Variants in MYH11 observed in about 807,000 individuals in gnomAD.
The protein encoded by MYH11 is myosin heavy chain 11.
A neutral mutation model predicts 246.6 loss-of-function variants in MYH11; 80 were observed. The ratio of observed to expected loss-of-function variants is 0.32; its 90% CI spans 0.27 to 0.39. The LOEUF is 0.39. Among genes scored for constraint, MYH11 ranks in the 10% least tolerant of loss-of-function variants. The pLI is 1.00. For missense variants in MYH11, 2,158 were observed against 2,546.8 expected (o/e 0.85, Z 3.29); for synonymous variants, 1,071 against 1,015.5 (o/e 1.05, Z -1.04).
chr16:15,758,470 G>C (rs746178321), intron 12 of MYH11, among the ~76,000 whole-genome samples: 4 of 151,932 alleles, frequency 2.6e-5, no homozygotes, highest in South Asian at 2.1e-4. Flanking sequence ...AGGAGTTTGC[G>C]ACCAGCCTGG....
intron 1 of MYH11, among the ~76,000 whole-genome samples, chr16:15,843,527 A>G (rs945059277): frequency 1.5e-5 from 2 of 132,240 alleles, no homozygotes; most frequent in African/African-American, 5.9e-5. Flanking sequence ...TGTCTCTACT[A>G]AAAAAAAAAA....
At chr16:15,705,445 A>G (rs748799237) in intron 40 of MYH11, among the ~76,000 whole-genome samples, 7 of 152,196 alleles carry the variant, frequency 4.6e-5, no homozygotes, top group Admixed American at 2.6e-4. Flanking sequence ...AGTGGGCAGA[A>G]GAAGGAAAAA....
intron 9 of MYH11, among the ~76,000 whole-genome samples, chr16:15,770,410 A>C (rs1045041986): frequency 1.3e-5 from 2 of 152,120 alleles, no homozygotes; most frequent in African/African-American, 4.8e-5. Context: ...AACCTTCAAC[A>C]CTGAGGCACA....
chr16:15,764,002 T>C, intron 9 of MYH11, 111 bp from the exon 10 acceptor site: 1 of 817,586 alleles, frequency 1.2e-6, no homozygotes, highest in East Asian at 2.5e-5. Flanking sequence ...ATCTTTCCTC[T>C]GAAGAAACTA....
intron 20 of MYH11, among the ~76,000 whole-genome samples, chr16:15,744,793 G>GC (rs2041371851): frequency 6.6e-6 from 1 of 152,222 alleles, no homozygotes; most frequent in African/African-American, 2.4e-5. Context: ...GTGAGCCGCC[G>GC]CCCCCGGCAG....
rs373145965 is a variant in MYH11, at chr16:15,854,112, ATAT to A, written c.-18+2826_-18+2828del. The stretch of plus-strand genomic sequence containing the variant: ...TCCAGGTAAGGAATGGTAGCTTAAT[ATAT>A]TAAAGATTCTAATCACCACTTTCAG... On this transcript the variant is annotated intron_variant, in intron 1 of 40. Transcript: ENST00000300036. 3.5e-3 allele frequency among the ~76,000 whole-genome samples: 539 copies of A among 152,336 alleles called. 5 individuals carry two copies. Among genetic ancestry groups the A allele is most frequent in the African/African-American group, 0.013 (523 of 41,576 alleles).
At chr16:15,736,403 T>C (rs1437099895) in intron 25 of MYH11, among the ~76,000 whole-genome samples, 1 of 152,134 alleles carries the variant, frequency 6.6e-6, no homozygotes, top group Admixed American at 6.6e-5. Context: ...CTCAGCCTCC[T>C]GAGTAGCTGG....
At chr16:15,795,072 C>A (rs2042712751) in intron 4 of MYH11, among the ~76,000 whole-genome samples, 1 of 148,816 alleles carries the variant, frequency 6.7e-6, no homozygotes, top group African/African-American at 2.5e-5. Context: ...GGGAGGCTGA[C>A]TGAGGTGGGT....
At chr16:15,735,785 G>T (rs536570339) in intron 25 of MYH11, among the ~76,000 whole-genome samples, 43 of 152,334 alleles carry the variant, frequency 2.8e-4, no homozygotes, top group African/African-American at 1.0e-3. Context: ...ATCAAAACAG[G>T]TTGTACATGT....
At position 15,750,460 on chromosome 16, in the gene MYH11, C is replaced by T. The variant is rs185512934; in HGVS notation, c.1865-129G>A. The T allele has an allele frequency of 2.1e-5, 19 of 908,334 alleles. No individual in the cohort carries two copies. Among genetic ancestry groups the T allele is most frequent in the Admixed American group, 4.3e-5 (2 of 46,670 alleles). The allele number at this position is 908,334 out of a possible 1,614,324, so 56.3% of individuals were successfully genotyped here. A position where few individuals can be genotyped will look rare whatever the true frequency, so the allele number is the denominator to read the frequency against. On this transcript the variant is annotated intron_variant, in intron 15 of 40. Coordinates refer to ENST00000300036, the MANE Select transcript of MYH11 (RefSeq NM_002474.3). This position sits in a 1 kb window ranked among gnomAD's most constrained non-coding sequence, Gnocchi z 4.3. ...TTCCTTCCATCACCAACGCCTCCTT[C>T]GGCAGTCAGGGTTTCCAAGTATTGT...
chr16:15,714,841 G>GA (rs1445075116), intron 40 of MYH11, 68 bp downstream of exon 40: 3 of 1,593,084 alleles, frequency 1.9e-6, no homozygotes, highest in Non-Finnish European at 2.6e-6. Flanking sequence ...AGGCCGAAAG[G>GA]AGCCCGAGCC....
At chr16:15,712,882 G>GTTTTTTTTTTTTTTTTTTGTTTTTT (rs59799809) in intron 40 of MYH11, 1 of 90,636 alleles carries the variant, frequency 1.1e-5, no homozygotes, top group African/African-American at 4.5e-5. Context: ...TTCACATACA[G>GTTTTTTTTTTTTTTTTTTGTTTTTT]TTTTTTTTTT....
rs558244439 is a variant in MYH11 at position 15,815,839 on chromosome 16, T to TCA, written c.502+7414_502+7415dup. On this transcript the variant is annotated intron_variant, in intron 3 of 40. Coordinates refer to ENST00000300036, the MANE Select transcript of MYH11 (RefSeq NM_002474.3). ...TTCCCAGCCAGGAAGGTGAATATAA[T>TCA]CACACACACACACACTCACAAACAT... is the stretch of plus-strand genomic sequence containing the variant. Among the ~76,000 whole-genome samples the TCA allele has an allele frequency of 1.4e-4, 21 of 151,638 alleles. No individual in the cohort carries two copies. The East Asian group carries it at 1.9e-3, about 14-fold the overall frequency.
At position 15,735,372 on chromosome 16, in the gene MYH11, T is replaced by G. The variant is rs748563819; in HGVS notation, c.3500A>C (p.Glu1167Ala). 2 of 1,613,722 alleles carry G rather than the reference T, an allele frequency of 1.2e-6. No homozygotes were observed. The highest frequency in any genetic ancestry group is 1.1e-5 in the South Asian group (1 of 91,044). Reference sequence around the variant, plus strand: ...GGATTGATGGGCCCCTCACCTGAGCTCCTGCTGAGTGGCTGTGCTGTCCAG... The same window carrying G: ...GGATTGATGGGCCCCTCACCTGAGCGCCTGCTGAGTGGCTGTGCTGTCCAG... ...DTLDSTATQQ[E>A]LRAKREQEVT... The change falls in exon 26 of 41, where the codon GAG (glutamate) becomes GCG (alanine). Residue 1167 changes from glutamate (E) to alanine (A), a missense_variant. Glu to Ala is a moderately radical substitution (Grantham distance 107, BLOSUM62 -1). Transcript: ENST00000300036.
intron 39 of MYH11, 37 bp downstream of exon 39, chr16:15,715,127 G>A (rs1474448673): frequency 1.9e-6 from 3 of 1,612,388 alleles, no homozygotes; most frequent in Non-Finnish European, 1.7e-6. Flanking sequence ...CCGGCTGGGG[G>A]CTGGGGGCTC....
intron 2 of MYH11, among the ~76,000 whole-genome samples, chr16:15,829,494 A>G (rs2043669849): frequency 6.6e-6 from 1 of 152,214 alleles, no homozygotes; most frequent in African/African-American, 2.4e-5. Flanking sequence ...TTCCTCCCAC[A>G]TTATTCAGCC....
At chr16:15,766,349 GTGTGTGTGTGTGTGTGTGT>G (rs2041981134) in intron 9 of MYH11, among the ~76,000 whole-genome samples, 1 of 71,044 alleles carries the variant, frequency 1.4e-5, no homozygotes, top group Non-Finnish European at 3.2e-5. Flanking sequence ...TTTTTGGTGT[GTGTGTGTGTGTGTGTGTGT>G]GTGTGTGTGT....
intron 40 of MYH11, among the ~76,000 whole-genome samples, chr16:15,708,460 G>A (rs530508593): frequency 2.0e-5 from 3 of 152,326 alleles, no homozygotes; most frequent in Non-Finnish European, 2.9e-5. Context: ...CCCTAACCAC[G>A]TAAGAGTGGC....
intron 40 of MYH11, among the ~76,000 whole-genome samples, chr16:15,709,314 T>C (rs2039647315): frequency 6.6e-6 from 1 of 151,310 alleles, no homozygotes; most frequent in East Asian, 2.0e-4. Context: ...GTGAGGCTGG[T>C]AGATGAAAGG....
Sources: gnomAD v4.1 joint callset for allele counts (sites outside exome capture counted in the v4.1 genomes callset) on GRCh38, gnomAD v4.1.1 for gene constraint, Gnocchi (gnomAD v3.1) non-coding constraint, MANE v1.5 for transcripts, NCBI Gene and HGNC (gene_info 2026-07-23, HGNC 2026-07-21) for gene names.